The following ATP2B1 variants were observed in gnomAD, a reference collection of about 807,000 sequenced individuals.
ATP2B1 encodes ATPase plasma membrane Ca2+ transporting 1, also known as plasma membrane calcium-transporting ATPase 1.
In ATP2B1, 14 loss-of-function variants were observed where a neutral mutation model predicts 124.2. The ratio of observed to expected loss-of-function variants is 0.11; its 90% CI spans 0.07 to 0.18. The LOEUF (loss-of-function observed/expected upper bound fraction) is 0.18, where lower values mean the gene tolerates loss of function less well. Ranked by LOEUF, ATP2B1 falls within the 10% of genes least tolerant of loss-of-function variation. The probability of loss-of-function intolerance (pLI) is 1.00; values close to 1 mark genes in which losing one functional copy is unlikely to be tolerated. For synonymous variants in ATP2B1, 449 were observed against 492.4 expected (o/e 0.91, Z 1.17); for missense variants, 763 against 1,466.1 (o/e 0.52, Z 7.83).
intron 5 of ATP2B1, 148 bp from the exon 6 acceptor site, chr12:89,630,793 A>ATATATATATT (rs1881745851): frequency 1.8e-4 from 32 of 175,436 alleles, no homozygotes; most frequent in Admixed American, 1.3e-3. Context: ...ATATATATAT[A>ATATATATATT]TTTTTAAGTC....
intron 1 of ATP2B1, among the ~76,000 whole-genome samples, chr12:89,680,574 G>C (rs1355571531): frequency 6.6e-6 from 1 of 152,158 alleles, no homozygotes; most frequent in Non-Finnish European, 1.5e-5. Context: ...AAAGGAGTAA[G>C]GGTCAAGAGG....
chr12:89,625,584 C>CAAAAAAAAAA (rs10560749), intron 8 of ATP2B1, among the ~76,000 whole-genome samples: 2 of 81,592 alleles, frequency 2.5e-5, no homozygotes, highest in African/African-American at 9.7e-5. Flanking sequence ...GACCCTGTCT[C>CAAAAAAAAAA]AAAAAAAAAA....
chr12:89,622,481 G>C (rs1304710119), intron 9 of ATP2B1, among the ~76,000 whole-genome samples: 1 of 151,948 alleles, frequency 6.6e-6, no homozygotes, highest in Non-Finnish European at 1.5e-5. Context: ...TTTCACAGTA[G>C]TCTCACAGGG....
chr12:89,706,582 TA>T (rs891797926), intron 1 of ATP2B1, among the ~76,000 whole-genome samples: 1 of 151,538 alleles, frequency 6.6e-6, no homozygotes, highest in Non-Finnish European at 1.5e-5. Flanking sequence ...CAAGCTTCAA[TA>T]AAAAAAAGAT....
At chr12:89,611,951 G>A (rs1878104571) in intron 12 of ATP2B1, 1 of 152,098 alleles carries the variant, frequency 6.6e-6, no homozygotes, top group Non-Finnish European at 1.5e-5. Context: ...GTGAAACCAT[G>A]TTTCCTTTAC....
At chr12:89,686,842 C>T (rs141293875) in intron 1 of ATP2B1, among the ~76,000 whole-genome samples, 2 of 152,172 alleles carry the variant, frequency 1.3e-5, no homozygotes, top group Admixed American at 6.5e-5. Context: ...GCCACATACA[C>T]ATTAAGAGAA....
intron 1 of ATP2B1, among the ~76,000 whole-genome samples, chr12:89,666,209 A>C (rs1252874759): frequency 2.6e-5 from 4 of 151,974 alleles, no homozygotes; most frequent in Non-Finnish European, 4.4e-5. Context: ...GAATTTATTT[A>C]TGGTTAACTC....
chr12:89,698,828 G>A (rs1015062281), intron 1 of ATP2B1, among the ~76,000 whole-genome samples: 1 of 152,174 alleles, frequency 6.6e-6, no homozygotes, highest in African/African-American at 2.4e-5. Flanking sequence ...TTCTATTCTG[G>A]CCAGAATTCT....
At chr12:89,692,427 A>T (rs983701176) in intron 1 of ATP2B1, among the ~76,000 whole-genome samples, 1 of 152,180 alleles carries the variant, frequency 6.6e-6, no homozygotes, top group Non-Finnish European at 1.5e-5. Flanking sequence ...CTATATCTGC[A>T]TGGGTTTTCT....
At chr12:89,678,346 G>A (rs1198650256) in intron 1 of ATP2B1, among the ~76,000 whole-genome samples, 1 of 152,112 alleles carries the variant, frequency 6.6e-6, no homozygotes, top group Non-Finnish European at 1.5e-5. Context: ...TGTGGGTGTA[G>A]AGAGAACCTG....
At chr12:89,671,239 A>T (rs1336979745) in intron 1 of ATP2B1, among the ~76,000 whole-genome samples, 1 of 152,184 alleles carries the variant, frequency 6.6e-6, no homozygotes, top group African/African-American at 2.4e-5. Context: ...TGAATGAGTC[A>T]GTTTAACTCA....
intron 6 of ATP2B1, among the ~76,000 whole-genome samples, chr12:89,629,208 G>GTAGA (rs1195490427): frequency 1.3e-5 from 2 of 152,128 alleles, no homozygotes; most frequent in Non-Finnish European, 2.9e-5. Context: ...GCATAAAAGG[G>GTAGA]TAGACTCTTG....
chr12:89,595,637 A>G (rs556853566), intron 20 of ATP2B1, among the ~76,000 whole-genome samples: 117 of 152,226 alleles, frequency 7.7e-4, no homozygotes, highest in African/African-American at 2.6e-3. Context: ...GCAGAAACAC[A>G]GTGATAAAAT....
chr12:89,677,922 T>G (rs1411964854), intron 1 of ATP2B1, among the ~76,000 whole-genome samples: 1 of 143,838 alleles, frequency 7.0e-6, no homozygotes, highest in African/African-American at 2.7e-5. Context: ...AATCCTGCCT[T>G]TGGATTTCAG....
intron 15 of ATP2B1, among the ~76,000 whole-genome samples, chr12:89,606,077 A>G (rs1481848157): frequency 9.1e-6 from 1 of 109,396 alleles, no homozygotes; most frequent in Non-Finnish European, 1.9e-5. Flanking sequence ...CACACAGATC[A>G]GGTTGAAACA....
chr12:89,649,105 G>T (rs1048233440), intron 2 of ATP2B1, among the ~76,000 whole-genome samples: 22 of 152,266 alleles, frequency 1.4e-4, no homozygotes, highest in Non-Finnish European at 3.1e-4. Flanking sequence ...ACTCCACTAG[G>T]GCAGTGCCAA....
intron 5 of ATP2B1, among the ~76,000 whole-genome samples, chr12:89,631,597 T>C (rs2136167469): frequency 6.6e-6 from 1 of 152,290 alleles, no homozygotes; most frequent in Admixed American, 6.5e-5. Context: ...AATTTCTGAT[T>C]CTTCGTTGCC....
rs773922648 is a variant in ATP2B1 at position 89,627,759 on chromosome 12, A to C, written c.929-43T>G. The C allele has an allele frequency of 3.2e-6, 5 of 1,583,762 alleles. No homozygotes were observed. The South Asian group carries it at 5.5e-5, about 18-fold the overall frequency. On this transcript the variant is annotated intron_variant, in intron 6 of 20. Transcript: ENST00000428670. The stretch of plus-strand genomic sequence containing the variant: ...GAATTAAAGCTTTCCAAAAGAAATG[A>C]ATACAGCCATGCTAAATTATGCAGA...
intron 1 of ATP2B1, among the ~76,000 whole-genome samples, chr12:89,682,770 T>C (rs1030179025): frequency 2.6e-5 from 4 of 152,174 alleles, no homozygotes; most frequent in Non-Finnish European, 4.4e-5. Context: ...AACCACTCTG[T>C]AATCGGAGTA....
Sources: allele counts gnomAD v4.1 joint callset (sites outside exome capture counted in the v4.1 genomes callset), GRCh38; gene constraint gnomAD v4.1.1; transcripts MANE v1.5; gene names NCBI Gene and HGNC (gene_info 2026-07-23, HGNC 2026-07-21).